CHD1L: variants seen among roughly 807,000 people sequenced by gnomAD.
CHD1L encodes the protein chromodomain helicase DNA binding protein 1 like, also known as ATP-dependent chromatin remodeler CHD1L.
CHD1L carries 118 observed loss-of-function variants against 115.9 expected under a neutral mutation model. The ratio of observed to expected loss-of-function variants is 1.02; its 90% CI spans 0.88 to 1.19. CHD1L has a LOEUF of 1.19. CHD1L is among the 50% of genes most tolerant of loss of function. The pLI is 0.00. For missense variants in CHD1L, 1,179 were observed against 1,065.3 expected, an observed-to-expected ratio of 1.11 and a Z score of -1.49; for synonymous variants, 411 against 387.1, an observed-to-expected ratio of 1.06 and a Z score of -0.72.
the CHD1L span, among the ~76,000 whole-genome samples, chr1:147,205,583 A>T: frequency 6.6e-6 from 1 of 152,220 alleles, no homozygotes; most frequent in African/African-American, 2.4e-5. Flanking sequence ...GACCAATGGA[A>T]CAGAACAGAG....
the CHD1L span, chr1:147,178,245 T>C: frequency 3.7e-6 from 6 of 1,613,714 alleles, no homozygotes; most frequent in Non-Finnish European, 5.1e-6. Flanking sequence ...ACACGGGCTC[T>C]GCGGGCCTCA....
At chr1:147,203,677 T>C in the CHD1L span, 2 of 1,465,996 alleles carry the variant, frequency 1.4e-6, no homozygotes, top group East Asian at 4.5e-5. Context: ...TCTGTTTGGC[T>C]AATTCAATTT....
chr1:147,250,731 G>A (rs1419646060), intron 1 of CHD1L, among the ~76,000 whole-genome samples: 5 of 150,304 alleles, frequency 3.3e-5, no homozygotes, highest in Non-Finnish European at 7.4e-5. Flanking sequence ...GTGTTTACTA[G>A]AATAGAGCAG....
intron 4 of CHD1L, 131 bp downstream of exon 4, chr1:147,256,058 T>C: frequency 3.7e-6 from 2 of 540,950 alleles, no homozygotes; most frequent in Non-Finnish European, 6.4e-6. Flanking sequence ...CTTCATCAGA[T>C]TCTCAAAAGA....
the CHD1L span, among the ~76,000 whole-genome samples, chr1:147,176,748 A>T: frequency 6.6e-6 from 1 of 152,148 alleles, no homozygotes; most frequent in Admixed American, 6.5e-5. Flanking sequence ...TCACCATGTG[A>T]GTATTAATTT....
intron 17 of CHD1L, 128 bp from the exon 18 acceptor site, chr1:147,286,170 C>A: frequency 4.5e-6 from 4 of 883,816 alleles, no homozygotes; most frequent in Admixed American, 2.8e-5. Context: ...TAGAAAACTT[C>A]AATCAGGGTG....
At chr1:147,290,602 G>A (rs6593756) in intron 19 of CHD1L, among the ~76,000 whole-genome samples, 33,234 of 152,042 alleles carry the variant, frequency 0.22, 4,209 homozygotes, top group Middle Eastern at 0.28. Context: ...GTTATCAGAC[G>A]TTTATGCATT....
intron 15 of CHD1L, among the ~76,000 whole-genome samples, chr1:147,281,307 C>A (rs1488440588): frequency 1.3e-5 from 2 of 152,122 alleles, no homozygotes; most frequent in Non-Finnish European, 2.9e-5. Flanking sequence ...TTTCTGGAAC[C>A]CTCCTGCCCT....
intron 14 of CHD1L, among the ~76,000 whole-genome samples, chr1:147,278,446 A>G (rs1178823070): frequency 6.7e-6 from 1 of 149,490 alleles, no homozygotes; most frequent in Non-Finnish European, 1.5e-5. Context: ...ACTGGTCTTG[A>G]TCTCCTGACC....
At chr1:147,286,600 T>A in intron 18 of CHD1L, 100 bp downstream of exon 18, 1 of 1,030,238 alleles carries the variant, frequency 9.7e-7, no homozygotes, top group Non-Finnish European at 1.5e-6. Flanking sequence ...GGTCCCAGTG[T>A]AGTATTGTAC....
intron 15 of CHD1L, among the ~76,000 whole-genome samples, chr1:147,283,655 C>G (rs1413008588): frequency 3.3e-5 from 5 of 152,192 alleles, no homozygotes; most frequent in Non-Finnish European, 7.3e-5. Flanking sequence ...ACACTATTGT[C>G]TTCATTGTTA....
chr1:147,199,272 T>A, the CHD1L span, among the ~76,000 whole-genome samples: 1 of 152,008 alleles, frequency 6.6e-6, no homozygotes, highest in African/African-American at 2.4e-5. Context: ...GGGTTTAAAA[T>A]TGGCATAGTG....
chr1:147,290,989 G>T (rs1553969931), intron 19 of CHD1L, among the ~76,000 whole-genome samples: 1 of 152,044 alleles, frequency 6.6e-6, no homozygotes, highest in East Asian at 1.9e-4. Context: ...TCTCTATTTT[G>T]ATTCTAACCG....
intron 2 of CHD1L, among the ~76,000 whole-genome samples, chr1:147,254,628 C>T (rs1406252432): frequency 1.3e-5 from 2 of 152,140 alleles, no homozygotes; most frequent in Non-Finnish European, 2.9e-5. Context: ...AACATTGAGC[C>T]TCATTGCTTG....
intron 1 of CHD1L, among the ~76,000 whole-genome samples, chr1:147,250,210 C>T (rs1171558860): frequency 6.6e-6 from 1 of 151,908 alleles, no homozygotes. Flanking sequence ...ATAATTCTAC[C>T]GTCTGTGTCA....
chr1:147,286,896 A>G (rs781893991), intron 18 of CHD1L, among the ~76,000 whole-genome samples: 3 of 152,128 alleles, frequency 2.0e-5, no homozygotes, highest in Non-Finnish European at 2.9e-5. Flanking sequence ...TTCTTCCCAA[A>G]TAACCACATC....
the CHD1L span, among the ~76,000 whole-genome samples, chr1:147,189,714 A>T: frequency 6.6e-6 from 1 of 152,170 alleles, no homozygotes; most frequent in Non-Finnish European, 1.5e-5. Flanking sequence ...ACCATGAGCC[A>T]CTGTGACTTG....
At chr1:147,282,014 C>A (rs587707253) in intron 15 of CHD1L, among the ~76,000 whole-genome samples, 2 of 152,184 alleles carry the variant, frequency 1.3e-5, no homozygotes, top group Non-Finnish European at 2.9e-5. Flanking sequence ...GCTATAGTCA[C>A]CATGGTACCT....
chr1:147,272,373 C>A, intron 12 of CHD1L, 92 bp downstream of exon 12: 2 of 884,074 alleles, frequency 2.3e-6, no homozygotes, highest in Admixed American at 2.0e-5. Context: ...TTCCTTAATT[C>A]TCTGAAAGGT....
Sources: allele counts gnomAD v4.1 joint callset (sites outside exome capture counted in the v4.1 genomes callset), GRCh38; gene constraint gnomAD v4.1.1; transcripts MANE v1.5; gene names NCBI Gene and HGNC (gene_info 2026-07-23, HGNC 2026-07-21).